The following ANO3 variants were observed in gnomAD, a reference collection of about 807,000 sequenced individuals.
The protein encoded by ANO3 is anoctamin 3, also known as anoctamin-3.
A neutral mutation model predicts 144.8 loss-of-function variants in ANO3; 99 were observed. That is an observed-to-expected ratio of 0.68 (90% CI 0.58 to 0.81). ANO3 has a LOEUF of 0.81. Among genes scored for constraint, ANO3 ranks in the 30% least tolerant of loss-of-function variants. The pLI, the probability that ANO3 is intolerant of heterozygous loss-of-function variation, is 0.00. For missense variants in ANO3, 905 were observed against 1,202.2 expected (o/e 0.75, Z 3.66); for synonymous variants, 414 against 392.6 (o/e 1.05, Z -0.64).
At chr11:26,339,607 C>T (rs770404515) in intron 1 of ANO3, among the ~76,000 whole-genome samples, 41 of 152,128 alleles carry the variant, frequency 2.7e-4, no homozygotes, top group Non-Finnish European at 5.0e-4. Flanking sequence ...TGCTCTACAC[C>T]TTTTCCACAA....
At chr11:26,480,332 C>CCA (rs1860160750) in intron 4 of ANO3, among the ~76,000 whole-genome samples, 1 of 152,062 alleles carries the variant, frequency 6.6e-6, no homozygotes, top group Admixed American at 6.5e-5. Flanking sequence ...ATGTGTAATT[C>CCA]TTTAGAAAAA....
intron 5 of ANO3, among the ~76,000 whole-genome samples, chr11:26,509,539 C>T (rs1416817213): frequency 6.6e-6 from 1 of 152,060 alleles, no homozygotes; most frequent in Non-Finnish European, 1.5e-5. Flanking sequence ...TCTTGAACTT[C>T]TGACCTCAAG....
At chr11:26,291,456 G>T (rs950988576) in intron 1 of ANO3, among the ~76,000 whole-genome samples, 1 of 152,164 alleles carries the variant, frequency 6.6e-6, no homozygotes, top group Non-Finnish European at 1.5e-5. Context: ...TCATTATGAT[G>T]TTAGCTAGTT....
At position 26,661,752 on chromosome 11, in the gene ANO3, T is replaced by C. The variant is rs1183640964; in HGVS notation, c.*1308T>C. On this transcript the variant is annotated 3_prime_UTR_variant, in exon 27 of 27. Transcript: ENST00000256737. ...TCTATTTCAACGTCAACTCTGTATC[T>C]ATGAGTATGTCTGTTCCACAGACAG... The C allele has an allele frequency of 6.6e-6, 1 of 152,062 alleles. No individual in the cohort carries two copies. The highest frequency in any genetic ancestry group is 1.5e-5 in the Non-Finnish European group (1 of 68,018). The allele number at this position is 152,062 out of a possible 1,614,324, so 9.4% of individuals were successfully genotyped here.
intron 3 of ANO3, among the ~76,000 whole-genome samples, chr11:26,449,572 C>G (rs1257757831): frequency 6.6e-6 from 1 of 151,694 alleles, no homozygotes; most frequent in Admixed American, 6.6e-5. Context: ...TGTTTTTGCT[C>G]TCTGTGATGT....
intron 1 of ANO3, among the ~76,000 whole-genome samples, chr11:26,203,793 G>A (rs1590191565): frequency 6.6e-6 from 1 of 152,090 alleles, no homozygotes; most frequent in Non-Finnish European, 1.5e-5. Flanking sequence ...ATATGCCAGG[G>A]TGGTATATTT....
At chr11:26,251,761 G>A (rs1590216692) in intron 1 of ANO3, among the ~76,000 whole-genome samples, 1 of 152,160 alleles carries the variant, frequency 6.6e-6, no homozygotes, top group Non-Finnish European at 1.5e-5. Flanking sequence ...ATCACACATG[G>A]TGGCAGGACA....
At chr11:26,552,083 A>T (rs2134227232) in intron 12 of ANO3, among the ~76,000 whole-genome samples, 1 of 152,138 alleles carries the variant, frequency 6.6e-6, no homozygotes, top group Middle Eastern at 3.4e-3. Flanking sequence ...TAGCTCTATA[A>T]TGTTGAGCAA....
At chr11:26,498,057 A>G (rs2134118701) in intron 4 of ANO3, among the ~76,000 whole-genome samples, 1 of 152,112 alleles carries the variant, frequency 6.6e-6, no homozygotes, top group East Asian at 1.9e-4. Flanking sequence ...TCACATCTCA[A>G]CATATGTACT....
chr11:26,662,871 A>G lies in ANO3; in HGVS notation c.*2427A>G, dbSNP rs1288623081. The G allele has an allele frequency of 1.3e-5, 2 of 152,472 alleles. No homozygotes were observed. The highest frequency in any genetic ancestry group is 1.9e-4 in the East Asian group (1 of 5,186). 9.4% of individuals were successfully genotyped at this position (152,472 alleles called of 1,614,324 possible). A position where few individuals can be genotyped will look rare whatever the true frequency, so the allele number is the denominator to read the frequency against. ...GATCACTCTGTTTTAGTTGAGAGAA[A>G]TGTTTTATATCATGGTTTTTATATG... is the stretch of plus-strand genomic sequence containing the variant. On this transcript the variant is annotated 3_prime_UTR_variant, in exon 27 of 27. Transcript: ENST00000256737.
intron 17 of ANO3, among the ~76,000 whole-genome samples, chr11:26,612,961 A>G (rs924578222): frequency 6.6e-6 from 1 of 152,172 alleles, no homozygotes; most frequent in Admixed American, 6.5e-5. Flanking sequence ...ATTAACGAGT[A>G]CTTTGAAGAG....
intron 18 of ANO3, among the ~76,000 whole-genome samples, chr11:26,630,016 G>A (rs1413793454): frequency 6.6e-6 from 1 of 152,168 alleles, no homozygotes; most frequent in Non-Finnish European, 1.5e-5. Context: ...TGTCCTTGAA[G>A]GGTTTTAGTG....
At chr11:26,214,214 A>G (rs1851991994) in intron 1 of ANO3, among the ~76,000 whole-genome samples, 1 of 151,986 alleles carries the variant, frequency 6.6e-6, no homozygotes, top group South Asian at 2.1e-4. Context: ...TGTCTAAACC[A>G]CATAAGGATA....
chr11:26,522,009 T>G (rs879474318), intron 6 of ANO3, among the ~76,000 whole-genome samples: 1 of 151,910 alleles, frequency 6.6e-6, no homozygotes, highest in Non-Finnish European at 1.5e-5. Context: ...ACGGTGAAAC[T>G]CCGTCTCTAC....
intron 1 of ANO3, among the ~76,000 whole-genome samples, chr11:26,274,404 T>C (rs1037748667): frequency 1.3e-5 from 2 of 152,128 alleles, no homozygotes; most frequent in African/African-American, 4.8e-5. Context: ...GTTTATGTTG[T>C]CCCTAATTTT....
chr11:26,310,685 T>C (rs1018583083), intron 1 of ANO3, among the ~76,000 whole-genome samples: 1 of 152,216 alleles, frequency 6.6e-6, no homozygotes, highest in African/African-American at 2.4e-5. Flanking sequence ...ATGTGCTACA[T>C]AGACACTATA....
rs186563031 is a variant in ANO3, at chr11:26,409,880, G to A, written c.47-32038G>A. 3.2e-4 allele frequency among the ~76,000 whole-genome samples: 48 copies of A among 152,048 alleles called. No homozygotes were observed. The East Asian group carries it at 7.4e-3, about 23-fold the overall frequency. On this transcript the variant is annotated intron_variant, in intron 1 of 26. Transcript: ENST00000256737. ...TTACAGACAAGGCAGCCATTTGGCT[G>A]ACTGTTAATGTGACTGAATAATTAA...
chr11:26,332,914 C>G (rs1440093035), intron 1 of ANO3, among the ~76,000 whole-genome samples: 1 of 152,072 alleles, frequency 6.6e-6, no homozygotes, highest in South Asian at 2.1e-4. Flanking sequence ...CGTATTATGT[C>G]TTTTAGTTTC....
chr11:26,658,907 T>C (rs1368937230), intron 26 of ANO3, among the ~76,000 whole-genome samples: 1 of 152,118 alleles, frequency 6.6e-6, no homozygotes, highest in Non-Finnish European at 1.5e-5. Flanking sequence ...TAAGAATCCA[T>C]TAGGAATGTA....
Sources: allele counts gnomAD v4.1 joint callset (sites outside exome capture counted in the v4.1 genomes callset), GRCh38; gene constraint gnomAD v4.1.1; transcripts MANE v1.5; gene names NCBI Gene and HGNC (gene_info 2026-07-23, HGNC 2026-07-21).